ST18: variants seen among roughly 807,000 people sequenced by gnomAD.
The protein encoded by ST18 is suppression of tumorigenicity 18 protein.
A neutral mutation model predicts 110.0 loss-of-function variants in ST18; 50 were observed. That is an observed-to-expected ratio of 0.45 (90% CI 0.36 to 0.58). The LOEUF is 0.58. Ranked by LOEUF, ST18 falls within the 20% of genes least tolerant of loss-of-function variation. ST18 has a pLI of 0.00. For missense variants in ST18, 1,306 were observed against 1,280.1 expected (o/e 1.02, Z -0.31); for synonymous variants, 461 against 452.4 (o/e 1.02, Z -0.24).
intron 23 of ST18, among the ~76,000 whole-genome samples, chr8:52,119,680 A>C (rs1277665451): frequency 6.6e-6 from 1 of 152,196 alleles, no homozygotes; most frequent in Non-Finnish European, 1.5e-5. Context: ...CCAAAAGCAC[A>C]ACTTGAAAGG....
intron 8 of ST18, among the ~76,000 whole-genome samples, chr8:52,187,130 G>A (rs1401425247): frequency 6.6e-6 from 1 of 152,172 alleles, no homozygotes; most frequent in Non-Finnish European, 1.5e-5. Flanking sequence ...ATTACCGAAA[G>A]TATTTATAGA....
chr8:52,378,034 C>T (rs1833072124), intron 2 of ST18, among the ~76,000 whole-genome samples: 1 of 152,108 alleles, frequency 6.6e-6, no homozygotes, highest in Admixed American at 6.5e-5. Context: ...CATGTACTCA[C>T]TTATTCGTGG....
rs892427288 is a variant in ST18 at position 52,157,547 on chromosome 8, A to G, written c.1806+1351T>C. Among the ~76,000 whole-genome samples the G allele has an allele frequency of 4.6e-5, 7 of 152,248 alleles. 1 individual carries two copies. The highest frequency in any genetic ancestry group is 1.7e-4 in the African/African-American group (7 of 41,464). ...AAAATGAATTTAAAAATAAAGTTGC[A>G]TTTAAAAATTCCCTAAATCACCTAT... On this transcript the variant is annotated intron_variant, in intron 15 of 25. Transcript: ENST00000689386.
At chr8:52,264,027 G>C (rs2094788561) in intron 2 of ST18, among the ~76,000 whole-genome samples, 1 of 152,054 alleles carries the variant, frequency 6.6e-6, no homozygotes, top group Non-Finnish European at 1.5e-5. Context: ...GTGAATTCCT[G>C]ACCTCAAGTG....
chr8:52,383,769 G>A (rs1835506022), intron 2 of ST18, among the ~76,000 whole-genome samples: 1 of 151,808 alleles, frequency 6.6e-6, no homozygotes, highest in South Asian at 2.1e-4. Context: ...ATTTTTAAAA[G>A]ACAGGATCTC....
chr8:52,141,364 G>C (rs1324738518), intron 17 of ST18, among the ~76,000 whole-genome samples: 1 of 152,186 alleles, frequency 6.6e-6, no homozygotes, highest in East Asian at 1.9e-4. Flanking sequence ...GCAGCACAGT[G>C]CATATTATGC....
intron 2 of ST18, among the ~76,000 whole-genome samples, chr8:52,354,016 G>A (rs1821574421): frequency 2.0e-5 from 3 of 152,314 alleles, no homozygotes; most frequent in Admixed American, 1.3e-4. Flanking sequence ...AGCGTCTTCC[G>A]AATCCAGGCC....
At chr8:52,348,430 T>TA (rs887839659) in intron 2 of ST18, among the ~76,000 whole-genome samples, 6 of 152,132 alleles carry the variant, frequency 3.9e-5, no homozygotes, top group Non-Finnish European at 5.9e-5. Flanking sequence ...TTCTATTTTT[T>TA]AAAAAAATGT....
rs1254932169 is a variant in ST18 at position 52,214,137 on chromosome 8, G to A, written c.55+66C>T. 3.3e-6 allele frequency: 5 copies of A among 1,505,710 alleles called. No homozygotes were observed. The East Asian group carries it at 9.0e-5, about 27-fold the overall frequency. The allele number at this position is 1,505,710 out of a possible 1,614,324, so 93.3% of individuals were successfully genotyped here. Reference sequence around the variant, plus strand: ...ATTCTGACTGCACACGAGGGACTGAGCACTGGAACGCTCATATTTCATGGT... The same window carrying A: ...ATTCTGACTGCACACGAGGGACTGAACACTGGAACGCTCATATTTCATGGT... On this transcript the variant is annotated intron_variant, in intron 7 of 25. Transcript: ENST00000689386.
intron 2 of ST18, among the ~76,000 whole-genome samples, chr8:52,367,270 A>ACACACACACACACACACACACAC (rs55935866): frequency 4.6e-5 from 7 of 150,790 alleles, no homozygotes; most frequent in Non-Finnish European, 8.9e-5. Context: ...ACACACACAC[A>ACACACACACACACACACACACAC]AAGATTTTAC....
intron 2 of ST18, among the ~76,000 whole-genome samples, chr8:52,331,172 G>T (rs10093140): frequency 6.6e-6 from 1 of 152,152 alleles, no homozygotes; most frequent in South Asian, 2.1e-4. Context: ...CCACACCTTC[G>T]ACTGGAAGGG....
At chr8:52,165,673 C>T (rs1227472103) in intron 11 of ST18, among the ~76,000 whole-genome samples, 2 of 152,222 alleles carry the variant, frequency 1.3e-5, no homozygotes, top group African/African-American at 2.4e-5. Flanking sequence ...CTACTCCCCA[C>T]ACCCCACTGC....
At chr8:52,200,541 G>C (rs983827606) in intron 8 of ST18, among the ~76,000 whole-genome samples, 1 of 152,176 alleles carries the variant, frequency 6.6e-6, no homozygotes, top group African/African-American at 2.4e-5. Flanking sequence ...TAAAGATGTG[G>C]TCTTTTCCTT....
At chr8:52,205,573 T>C (rs1282493158) in intron 8 of ST18, among the ~76,000 whole-genome samples, 1 of 152,194 alleles carries the variant, frequency 6.6e-6, no homozygotes, top group Non-Finnish European at 1.5e-5. Context: ...ATTTTATTTG[T>C]ATTTTATTTT....
chr8:52,318,748 C>A (rs944725495), intron 2 of ST18, among the ~76,000 whole-genome samples: 1 of 152,018 alleles, frequency 6.6e-6, no homozygotes, highest in Non-Finnish European at 1.5e-5. Flanking sequence ...TACTATGCTG[C>A]CATAAAAAGG....
intron 25 of ST18, among the ~76,000 whole-genome samples, chr8:52,116,006 T>A (rs1210540254): frequency 1.3e-5 from 2 of 152,176 alleles, no homozygotes; most frequent in East Asian, 3.9e-4. Context: ...AACTTTCACA[T>A]GACATTGTGA....
In ST18 at chr8:52,133,325, T is replaced by C. The variant is rs200669097; in HGVS notation, c.2301-24A>G. ...ACCTGGAAGGCACAGGAAGAGAGCA[T>C]GGGCTGAGAAGTTGTAGTTGGGGGA... On this transcript the variant is annotated intron_variant, in intron 19 of 25. Coordinates refer to ENST00000689386, the MANE Select transcript of ST18 (RefSeq NM_001352837.2). 829 of 1,613,956 alleles carry C rather than the reference T, an allele frequency of 5.1e-4. 8 individuals are homozygous for C. The Admixed American group carries it at 0.012, about 23-fold the overall frequency.
intron 2 of ST18, among the ~76,000 whole-genome samples, chr8:52,241,014 A>G (rs2093351588): frequency 6.6e-6 from 1 of 152,070 alleles, no homozygotes; most frequent in Non-Finnish European, 1.5e-5. Flanking sequence ...CCTCTAAACA[A>G]CCTCTTCCTT....
In ST18 at chr8:52,127,404, G is replaced by A. The variant is rs114816255; in HGVS notation, c.2667-1264C>T. Among the ~76,000 whole-genome samples the A allele has an allele frequency of 7.4e-3, 1,127 of 152,232 alleles. 25 individuals carry two copies. The highest frequency in any genetic ancestry group is 0.026 in the African/African-American group (1,063 of 41,536). On this transcript the variant is annotated intron_variant, in intron 22 of 25. Coordinates refer to ENST00000689386, the MANE Select transcript of ST18 (RefSeq NM_001352837.2). The stretch of plus-strand genomic sequence containing the variant: ...CAGAAGCTTCTCACTGTCAACTGTG[G>A]CCTATAAAAGTTTCATTATCTGTTT...
Sources: gnomAD v4.1 joint callset for allele counts (sites outside exome capture counted in the v4.1 genomes callset) on GRCh38, gnomAD v4.1.1 for gene constraint, MANE v1.5 for transcripts, NCBI Gene and HGNC (gene_info 2026-07-23, HGNC 2026-07-21) for gene names.